COL6A5: variants seen among roughly 807,000 people sequenced by gnomAD.
COL6A5 encodes the protein collagen type VI alpha 5 chain, also known as collagen alpha-5(VI) chain.
Under a neutral mutation model 65.6 loss-of-function variants are expected in COL6A5, and 48 were observed. The observed-to-expected ratio is 0.73, with a 90% confidence interval of 0.58 to 0.93. The LOEUF is 0.93. Among genes scored for constraint, COL6A5 ranks in the 40% least tolerant of loss-of-function variants. The pLI, the probability that COL6A5 is intolerant of heterozygous loss-of-function variation, is 0.00. For missense variants in COL6A5, 914 were observed against 928.3 expected (o/e 0.98, Z 0.20); for synonymous variants, 291 against 322.8 (o/e 0.90, Z 1.05).
exon 3 of COL6A5, chr3:130,440,579 G>C: frequency 6.2e-7 from 1 of 1,613,424 alleles, no homozygotes; most frequent in Non-Finnish European, 8.5e-7. Flanking sequence ...AAAACACAAG[G>C]TCATCTTTGT....
chr3:130,379,876 GC>G (rs1209787246), exon 4 of COL6A5: 2 of 1,551,298 alleles, frequency 1.3e-6, no homozygotes, highest in Admixed American at 3.9e-5. Flanking sequence ...CATCCAAGGG[GC>G]TAACAATACC....
intron 4 of COL6A5, among the ~76,000 whole-genome samples, chr3:130,455,148 C>A (rs1709537871): frequency 7.1e-6 from 1 of 141,178 alleles, no homozygotes; most frequent in Non-Finnish European, 1.5e-5. Context: ...AAGACCCTGT[C>A]TCAAAAAAAA....
chr3:130,461,802 C>T (rs1709707471), intron 5 of COL6A5, among the ~76,000 whole-genome samples: 1 of 150,856 alleles, frequency 6.6e-6, no homozygotes, highest in African/African-American at 2.4e-5. Flanking sequence ...TAAACTCATC[C>T]AGAGGCATGG....
intron 5 of COL6A5, among the ~76,000 whole-genome samples, chr3:130,464,195 G>A (rs1286296253): frequency 6.6e-6 from 1 of 151,884 alleles, no homozygotes; most frequent in Non-Finnish European, 1.5e-5. Flanking sequence ...GCAGTGGTGT[G>A]GTCACAGCTC....
intron 5 of COL6A5, among the ~76,000 whole-genome samples, chr3:130,464,787 G>A (rs1258060102): frequency 1.3e-5 from 2 of 152,040 alleles, no homozygotes; most frequent in Non-Finnish European, 2.9e-5. Context: ...TGGAGAGTAG[G>A]AGGCCCATAA....
At chr3:130,412,176 A>G (rs745721792) in intron 20 of COL6A5, among the ~76,000 whole-genome samples, 40 of 152,196 alleles carry the variant, frequency 2.6e-4, no homozygotes, top group Non-Finnish European at 5.3e-4. Context: ...GAATACTTCT[A>G]TAGCATCTAT....
intron 1 of COL6A5, among the ~76,000 whole-genome samples, chr3:130,349,631 C>T (rs1469014120): frequency 3.3e-5 from 5 of 152,122 alleles, no homozygotes; most frequent in Non-Finnish European, 7.4e-5. Flanking sequence ...CTCTTTAATT[C>T]ATAGATAACT....
At chr3:130,370,351 G>A (rs1275217468) in intron 1 of COL6A5, among the ~76,000 whole-genome samples, 23 of 152,184 alleles carry the variant, frequency 1.5e-4, no homozygotes, top group Admixed American at 1.5e-3. Context: ...AAAAGAGACA[G>A]GTTGAGCCAT....
chr3:130,409,538 CTGTT>C, intron 18 of COL6A5, 150 bp downstream of exon 18: 1 of 613,770 alleles, frequency 1.6e-6, no homozygotes, highest in Non-Finnish European at 2.7e-6. Flanking sequence ...TGGGAAAAGT[CTGTT>C]TGTGTCTTAT....
rs1292616902 is a variant in COL6A5 at position 130,437,982 on chromosome 3, TTTTTTG to T, written c.488-1536_488-1531del. 6.6e-5 allele frequency among the ~76,000 whole-genome samples: 10 copies of T among 152,192 alleles called. No homozygotes were observed. The South Asian group carries it at 1.2e-3, about 19-fold the overall frequency. ...CACTAGAACGTAAGATAGAGGGGTT[TTTTTTG>T]TTTGCTTTTTTGTTTTGTTTTGTTT... On this transcript the variant is annotated intron_variant, in intron 1 of 7. Coordinates refer to ENST00000512836, the Ensembl canonical transcript of COL6A5.
At chr3:130,378,204 T>C (rs1935857834) in intron 3 of COL6A5, among the ~76,000 whole-genome samples, 1 of 152,126 alleles carries the variant, frequency 6.6e-6, no homozygotes, top group African/African-American at 2.4e-5. Flanking sequence ...TACTCAGTAG[T>C]TTCTCAAACT....
chr3:130,463,446 A>C (rs1477114610), intron 5 of COL6A5, among the ~76,000 whole-genome samples: 1 of 152,062 alleles, frequency 6.6e-6, no homozygotes, highest in Non-Finnish European at 1.5e-5. Flanking sequence ...AGTCCTTCAG[A>C]GTCTCCCTTC....
intron 25 of COL6A5, among the ~76,000 whole-genome samples, chr3:130,420,219 T>C (rs1428228846): frequency 6.6e-6 from 1 of 151,646 alleles, no homozygotes; most frequent in African/African-American, 2.4e-5. Context: ...GAATAAAACA[T>C]AGGAAAGAGG....
intron 7 of COL6A5, among the ~76,000 whole-genome samples, chr3:130,473,366 T>C (rs1047292151): frequency 6.6e-6 from 1 of 151,996 alleles, no homozygotes; most frequent in African/African-American, 2.4e-5. Context: ...TGTCTAAACC[T>C]CATTAGAAAC....
chr3:130,359,998 G>C (rs886861328), intron 1 of COL6A5, among the ~76,000 whole-genome samples: 1 of 151,750 alleles, frequency 6.6e-6, no homozygotes, highest in Admixed American at 6.6e-5. Flanking sequence ...TGTTATGGGG[G>C]AATGACAACT....
Position 130,431,581 on chromosome 3 carries a change from A to G in COL6A5, c.121A>G (p.Asn41Asp), listed in dbSNP as rs953003522. 4 of 1,551,508 alleles carry G rather than the reference A, an allele frequency of 2.6e-6. No individual in the cohort carries two copies. The highest frequency in any genetic ancestry group is 1.4e-5 in the African/African-American group (1 of 73,042). ...CATCACTTCCATTGTCAATGACCTT[A>G]ACATCAGGGAAAATAACTGTCCTGT... The change falls in exon 1 of 8, where the codon AAC becomes GAC. Residue 41 changes from asparagine to aspartate, a missense_variant. Physicochemically the swap from Asn to Asp is conservative, Grantham distance 23. Transcript: ENST00000512836.
At chr3:130,357,686 T>C (rs1361465298) in intron 1 of COL6A5, among the ~76,000 whole-genome samples, 1 of 152,190 alleles carries the variant, frequency 6.6e-6, no homozygotes, top group Non-Finnish European at 1.5e-5. Context: ...TAAATAAAGT[T>C]CAATATATGG....
At chr3:130,355,396 A>G (rs968374960) in intron 1 of COL6A5, among the ~76,000 whole-genome samples, 6 of 152,154 alleles carry the variant, frequency 3.9e-5, no homozygotes, top group Admixed American at 1.3e-4. Flanking sequence ...AAGAAGAGAA[A>G]GGAAAAGTAA....
intron 29 of COL6A5, among the ~76,000 whole-genome samples, chr3:130,425,898 C>T (rs1345758146): frequency 6.6e-6 from 1 of 152,148 alleles, no homozygotes; most frequent in Non-Finnish European, 1.5e-5. Context: ...AAATACCTTC[C>T]TCTAAGTATT....
Sources: allele counts gnomAD v4.1 joint callset (sites outside exome capture counted in the v4.1 genomes callset), GRCh38; gene constraint gnomAD v4.1.1; transcripts MANE v1.5; gene names NCBI Gene and HGNC (gene_info 2026-07-23, HGNC 2026-07-21).